Variants in EDIL3 observed in about 807,000 individuals in gnomAD.
EDIL3 encodes EGF-like repeat and discoidin I-like domain-containing protein 3.
A neutral mutation model predicts 67.4 loss-of-function variants in EDIL3; 37 were observed. The observed-to-expected ratio is 0.55, with a 90% CI of 0.42 to 0.72. EDIL3 has a LOEUF of 0.72. Ranked by LOEUF, EDIL3 falls within the 30% of genes least tolerant of loss-of-function variation. The pLI is 0.00. For synonymous variants in EDIL3, 195 were observed against 196.3 expected, an observed-to-expected ratio of 0.99 and a Z score of 0.05; for missense variants, 527 against 586.3, an observed-to-expected ratio of 0.90 and a Z score of 1.04.
intron 9 of EDIL3, among the ~76,000 whole-genome samples, chr5:84,002,811 T>G (rs1161465250): frequency 6.6e-6 from 1 of 152,276 alleles, no homozygotes; most frequent in East Asian, 1.9e-4. Context: ...AGACCCTGAT[T>G]GGTTATTTGC....
chr5:83,984,185 G>C (rs768826166), intron 9 of EDIL3, among the ~76,000 whole-genome samples: 1 of 151,948 alleles, frequency 6.6e-6, no homozygotes, highest in Non-Finnish European at 1.5e-5. Flanking sequence ...GAGATGCTAC[G>C]GAAAGTTGCA....
chr5:84,317,451 G>C (rs943987079), intron 1 of EDIL3, among the ~76,000 whole-genome samples: 2 of 150,652 alleles, frequency 1.3e-5, no homozygotes, highest in Non-Finnish European at 3.0e-5. Flanking sequence ...CCCACAGAAA[G>C]AATACTATAA....
intron 4 of EDIL3, among the ~76,000 whole-genome samples, chr5:84,137,576 A>C (rs1195478360): frequency 6.6e-6 from 1 of 152,198 alleles, no homozygotes; most frequent in Non-Finnish European, 1.5e-5. Context: ...ATACAGACGA[A>C]AGGCCAATGG....
chr5:83,975,960 A>G (rs1744870574), intron 9 of EDIL3, among the ~76,000 whole-genome samples: 1 of 151,918 alleles, frequency 6.6e-6, no homozygotes, highest in Non-Finnish European at 1.5e-5. Flanking sequence ...TTATGAATAA[A>G]TCTGTTACAT....
intron 6 of EDIL3, among the ~76,000 whole-genome samples, chr5:84,079,140 T>C (rs1746918204): frequency 6.6e-6 from 1 of 152,134 alleles, no homozygotes; most frequent in Non-Finnish European, 1.5e-5. Context: ...TCCTGTAGGG[T>C]GTCACATCAG....
chr5:84,266,443 T>C (rs1299282282), intron 1 of EDIL3, among the ~76,000 whole-genome samples: 3 of 152,182 alleles, frequency 2.0e-5, no homozygotes, highest in Non-Finnish European at 4.4e-5. Flanking sequence ...GTCTATCTCT[T>C]TTCTCATTGG....
intron 1 of EDIL3, among the ~76,000 whole-genome samples, chr5:84,316,078 C>T (rs1383345194): frequency 6.6e-6 from 1 of 152,146 alleles, no homozygotes; most frequent in South Asian, 2.1e-4. Context: ...GTTGTCACCA[C>T]CAGGCCTGCC....
rs1465567822 is a variant in EDIL3, at chr5:84,147,719, C to A, written c.356-10365G>T. On this transcript the variant is annotated intron_variant, in intron 4 of 10. Coordinates refer to ENST00000296591, the MANE Select transcript of EDIL3 (RefSeq NM_005711.5). ...CAATTACATTTTTTTTCTTCAATGA[C>A]CTTAACTTAAAAAAAAAAACACCTC... Among the ~76,000 whole-genome samples, 3 of 150,804 alleles carry A rather than the reference C, an allele frequency of 2.0e-5. No individual in the cohort carries two copies. In the South Asian group the frequency reaches 6.2e-4, roughly 31 times the overall value.
intron 1 of EDIL3, among the ~76,000 whole-genome samples, chr5:84,300,548 T>A (rs148711058): frequency 6.6e-6 from 1 of 152,362 alleles, no homozygotes; most frequent in African/African-American, 2.4e-5. Flanking sequence ...CAACACTGGA[T>A]ATGTTATATT....
intron 4 of EDIL3, among the ~76,000 whole-genome samples, chr5:84,158,371 C>T (rs1748531604): frequency 6.6e-6 from 1 of 151,922 alleles, no homozygotes; most frequent in Admixed American, 6.6e-5. Context: ...ATAATTTATC[C>T]AATTCCCACT....
At chr5:84,229,962 G>A (rs771988127) in intron 2 of EDIL3, 78 bp from the exon 3 acceptor site, 134 of 1,312,324 alleles carry the variant, frequency 1.0e-4, no homozygotes, top group Admixed American at 2.2e-4. Flanking sequence ...GAAAGAAAGA[G>A]AAAAAGAGAT....
At chr5:84,322,064 TATA>T (rs531147730) in intron 1 of EDIL3, among the ~76,000 whole-genome samples, 45 of 150,462 alleles carry the variant, frequency 3.0e-4, no homozygotes, top group South Asian at 6.3e-4. Flanking sequence ...ATAATAATGA[TATA>T]ATAATAATAA....
At chr5:84,122,129 T>TC (rs1278898954) in intron 5 of EDIL3, among the ~76,000 whole-genome samples, 1 of 151,972 alleles carries the variant, frequency 6.6e-6, no homozygotes, top group Non-Finnish European at 1.5e-5. Flanking sequence ...CTTGTATATC[T>TC]CCTCATCCAA....
intron 8 of EDIL3, among the ~76,000 whole-genome samples, chr5:84,063,291 A>C (rs562268977): frequency 2.4e-4 from 36 of 152,246 alleles, no homozygotes; most frequent in Middle Eastern, 6.8e-3. Context: ...TGGCTTAGGG[A>C]TGACACTGGT....
At chr5:84,205,888 AG>A (rs1743967447) in intron 3 of EDIL3, among the ~76,000 whole-genome samples, 1 of 149,606 alleles carries the variant, frequency 6.7e-6, no homozygotes, top group Non-Finnish European at 1.5e-5. Context: ...AATTTTTTGA[AG>A]GGTTTTTTGT....
intron 9 of EDIL3, among the ~76,000 whole-genome samples, chr5:84,016,384 G>A (rs916934503): frequency 1.3e-5 from 2 of 151,976 alleles, no homozygotes; most frequent in South Asian, 2.1e-4. Flanking sequence ...CCTCTAAAGC[G>A]TCATTTTGAT....
rs1405008563 is a variant in EDIL3, at chr5:84,176,189, TATATATATA to T, written c.355+4195_355+4203del. On this transcript the variant is annotated intron_variant, in intron 4 of 10. Transcript: ENST00000296591. ...CTTTCTCAGTGGTAAAAAATATATA[TATATATATA>T]ATATATATATATATATATATATATA... Among the ~76,000 whole-genome samples the T allele has an allele frequency of 3.2e-3, 118 of 37,348 alleles. 1 individual carries two copies. Among genetic ancestry groups the T allele is most frequent in the African/African-American group, 0.012 (108 of 9,144 alleles). The allele number at this position is 37,348 out of a possible 152,430, so 24.5% of individuals were successfully genotyped here.
At chr5:84,070,674 T>C (rs1746725448) in intron 6 of EDIL3, among the ~76,000 whole-genome samples, 1 of 149,602 alleles carries the variant, frequency 6.7e-6, no homozygotes, top group Non-Finnish European at 1.5e-5. Flanking sequence ...AGTCTTACCA[T>C]GGGGGGTGGG....
At chr5:84,086,552 T>C (rs1436065948) in intron 6 of EDIL3, among the ~76,000 whole-genome samples, 1 of 152,148 alleles carries the variant, frequency 6.6e-6, no homozygotes, top group Non-Finnish European at 1.5e-5. Context: ...AACTACCTTC[T>C]GTGTTGGTCT....
Sources: gnomAD v4.1 joint callset for allele counts (sites outside exome capture counted in the v4.1 genomes callset) on GRCh38, gnomAD v4.1.1 for gene constraint, MANE v1.5 for transcripts, NCBI Gene and HGNC (gene_info 2026-07-23, HGNC 2026-07-21) for gene names.